ADRA1B: variants seen among roughly 807,000 people sequenced by gnomAD.
The protein encoded by ADRA1B is alpha-1B adrenergic receptor.
In ADRA1B, 17 loss-of-function variants were observed where a neutral mutation model predicts 17.9. The observed-to-expected ratio is 0.95, with a 90% confidence interval of 0.65 to 1.42. ADRA1B has a LOEUF of 1.42. ADRA1B is among the 40% of genes most tolerant of loss of function. The pLI, the probability that ADRA1B is intolerant of heterozygous loss-of-function variation, is 0.00. For missense variants in ADRA1B, 681 were observed against 722.1 expected (o/e 0.94, Z 0.65); for synonymous variants, 366 against 327.6 (o/e 1.12, Z -1.27).
intron 1 of ADRA1B, among the ~76,000 whole-genome samples, chr5:159,922,425 C>T (rs1317649767): frequency 1.3e-5 from 2 of 152,194 alleles, no homozygotes; most frequent in African/African-American, 4.8e-5. Context: ...ATGTCTGGCC[C>T]TTTTGCTGTC....
chr5:159,980,806 T>A, the ADRA1B span, among the ~76,000 whole-genome samples: 1 of 151,998 alleles, frequency 6.6e-6, no homozygotes, highest in Non-Finnish European at 1.5e-5. Context: ...AGACTTAGAA[T>A]TAGCCATCAG....
At chr5:159,946,173 T>C (rs1373010862) in intron 1 of ADRA1B, among the ~76,000 whole-genome samples, 3 of 152,168 alleles carry the variant, frequency 2.0e-5, no homozygotes, top group African/African-American at 4.8e-5. Context: ...TAACTTTCGA[T>C]TGCATTCTGT....
Position 159,972,420 on chromosome 5 carries a change from G to A in ADRA1B, c.1491G>A (p.Glu497=). ...TDGGASNGGC[E]AAADVANGQP... ...GCGGCGCCAGCAACGGAGGCTGCGA[G>A]GCCGCGGCCGACGTGGCCAACGGGC... Residue 497 remains glutamate, a synonymous_variant, in exon 2 of 2, where the codon GAG becomes GAA. Coordinates refer to ENST00000306675, the MANE Select transcript of ADRA1B (RefSeq NM_000679.4). 6.6e-7 allele frequency: 1 copy of A among 1,508,234 alleles called. No homozygotes were observed. Among genetic ancestry groups the A allele is most frequent in the Non-Finnish European group, 8.8e-7 (1 of 1,134,494 alleles). The allele number at this position is 1,508,234 out of a possible 1,614,324, so 93.4% of individuals were successfully genotyped here.
In ADRA1B at chr5:159,897,881, G is replaced by A. The variant is rs575989907; in HGVS notation, c.-255-18238G>A. On this transcript the variant is annotated intron_variant, in intron 1 of 2. Transcript: ENST00000641205. The stretch of plus-strand genomic sequence containing the variant: ...TTCCTTGTCCACTTATAAAAGGCCC[G>A]ATGGCAGAGTAAGGACAAGGGCACT... 2.2e-4 allele frequency among the ~76,000 whole-genome samples: 34 copies of A among 152,346 alleles called. No homozygotes were observed. In the South Asian group the frequency reaches 5.6e-3, roughly 25 times the overall value.
At chr5:159,987,318 T>TGCGG in the ADRA1B span, among the ~76,000 whole-genome samples, 4 of 152,248 alleles carry the variant, frequency 2.6e-5, no homozygotes, top group African/African-American at 9.6e-5. Flanking sequence ...GGGTCTCTCC[T>TGCGG]GCGGGCTCAG....
At chr5:159,881,706 T>A (rs951140701) in intron 1 of ADRA1B, among the ~76,000 whole-genome samples, 17 of 151,734 alleles carry the variant, frequency 1.1e-4, no homozygotes. Flanking sequence ...TGGGAAGGAG[T>A]ATGAGTGAAT....
At chr5:159,915,836 C>T (rs74425400), upstream of ADRA1B, among the ~76,000 whole-genome samples, 4,022 of 152,260 alleles carry the variant, frequency 0.026, 81 homozygotes, top group Non-Finnish European at 0.036. Flanking sequence ...TGTCTTCTGT[C>T]GGGAGAAGCT....
upstream of ADRA1B, among the ~76,000 whole-genome samples, chr5:159,912,527 A>G (rs1441926484): frequency 6.6e-6 from 1 of 152,184 alleles, no homozygotes; most frequent in Admixed American, 6.6e-5. Flanking sequence ...TGCCTTACTA[A>G]GGAGCCTGGT....
the ADRA1B span, among the ~76,000 whole-genome samples, chr5:159,988,383 AAT>A: frequency 6.6e-6 from 1 of 152,200 alleles, no homozygotes; most frequent in Non-Finnish European, 1.5e-5. Flanking sequence ...CAAGAGAATC[AAT>A]ATGTTTGTTG....
rs1453420114 is a variant in ADRA1B, at chr5:159,972,068, G to A, written c.1139G>A (p.Arg380His). ...CGCCGCCGACGCCGCCGCCGCCGTC[G>A]CCTGGGCGGCTGCGCCTACACCTAC... ...RGRRRRRRRRRLGGCAYTYRP... is the reference protein window; with the variant it reads ...RGRRRRRRRRHLGGCAYTYRP... Residue 380 changes from arginine (R) to histidine (H), a missense_variant, in exon 2 of 2, where the codon CGC (arginine) becomes CAC (histidine). By Grantham distance (29) the Arg-to-His change is conservative. This residue lies in a region of ADRA1B where 251 missense variants were observed against 224.9 expected (regional missense o/e 1.12). Coordinates refer to ENST00000306675, the MANE Select transcript of ADRA1B (RefSeq NM_000679.4). The A allele has an allele frequency of 1.5e-6, 2 of 1,301,240 alleles. No individual in the cohort carries two copies. 80.6% of individuals were successfully genotyped at this position (1,301,240 alleles called of 1,614,324 possible). A position where few individuals can be genotyped will look rare whatever the true frequency, so the allele number is the denominator to read the frequency against.
chr5:159,925,480 A>T (rs555685124), intron 1 of ADRA1B, among the ~76,000 whole-genome samples: 1 of 152,198 alleles, frequency 6.6e-6, no homozygotes, highest in Non-Finnish European at 1.5e-5. Context: ...CTGGCTGCAT[A>T]CATTTCAGAC....
At position 159,951,549 on chromosome 5, in the gene ADRA1B, C is replaced by T. The variant is rs556431375; in HGVS notation, c.950-20330C>T. On this transcript the variant is annotated intron_variant, in intron 1 of 1. Coordinates refer to ENST00000306675, the MANE Select transcript of ADRA1B (RefSeq NM_000679.4). ...TGCACGAGAAGATGCAGCTGTCTGT[C>T]GAACGGGAGGAGCAGAGAGCCCCTA... 299 of 578,170 alleles carry T rather than the reference C, an allele frequency of 5.2e-4. 3 individuals carry two copies. Among genetic ancestry groups the T allele is most frequent in the South Asian group, 4.8e-3 (272 of 57,150 alleles). 35.8% of individuals were successfully genotyped at this position (578,170 alleles called of 1,614,324 possible).
chr5:159,895,142 G>A (rs893499464), intron 1 of ADRA1B, among the ~76,000 whole-genome samples: 2 of 152,132 alleles, frequency 1.3e-5, no homozygotes, highest in Admixed American at 6.5e-5. Flanking sequence ...CAGCCCACAC[G>A]CTCTGAGAAA....
intron 1 of ADRA1B, among the ~76,000 whole-genome samples, chr5:159,923,966 A>G (rs1402021): frequency 0.026 from 3,945 of 152,038 alleles, 11 homozygotes; most frequent in East Asian, 0.18. Context: ...GAGGTTCAGT[A>G]CCTTGCCCAA....
chr5:159,968,202 C>CA (rs1406695729), intron 1 of ADRA1B, among the ~76,000 whole-genome samples: 1 of 151,902 alleles, frequency 6.6e-6, no homozygotes, highest in Non-Finnish European at 1.5e-5. Context: ...TCTCTTGATC[C>CA]AAAAAAATGG....
At chr5:159,974,636 A>G (rs1255524604), downstream of ADRA1B, among the ~76,000 whole-genome samples, 1 of 143,610 alleles carries the variant, frequency 7.0e-6, no homozygotes, top group African/African-American at 2.6e-5. Flanking sequence ...GACTCCATCA[A>G]AAAAAAAAAA....
intron 1 of ADRA1B, among the ~76,000 whole-genome samples, chr5:159,966,990 T>A (rs1241043852): frequency 6.6e-6 from 1 of 152,204 alleles, no homozygotes; most frequent in Non-Finnish European, 1.5e-5. Context: ...ATCTTTTACA[T>A]ACTGTAAGCA....
chr5:159,939,250 A>C (rs1755037735), intron 1 of ADRA1B, among the ~76,000 whole-genome samples: 1 of 123,378 alleles, frequency 8.1e-6, no homozygotes, highest in African/African-American at 3.2e-5. Context: ...CCTTTCTTTG[A>C]AGGAGAGAGA....
chr5:159,966,969 G>A (rs556820879), intron 1 of ADRA1B, among the ~76,000 whole-genome samples: 4 of 152,270 alleles, frequency 2.6e-5, no homozygotes, highest in African/African-American at 9.6e-5. Context: ...CACGTACTTT[G>A]ACAAGGAAAT....
Sources: gnomAD v4.1 joint callset for allele counts (sites outside exome capture counted in the v4.1 genomes callset) on GRCh38, gnomAD v4.1.1 for gene constraint, gnomAD v4.1.1 regional missense constraint, MANE v1.5 for transcripts, NCBI Gene and HGNC (gene_info 2026-07-23, HGNC 2026-07-21) for gene names.